The following NME7 variants were observed in gnomAD, a reference collection of about 807,000 sequenced individuals.
NME7 encodes NME/NM23 family member 7.
In NME7, 41 loss-of-function variants were observed where a neutral mutation model predicts 49.1. The observed-to-expected ratio is 0.83, with a 90% CI of 0.65 to 1.08. NME7 has a LOEUF of 1.08. Ranked by LOEUF, NME7 falls within the 50% of genes least tolerant of loss-of-function variation. NME7 has a pLI of 0.00. For missense variants in NME7, 423 were observed against 463.4 expected, an observed-to-expected ratio of 0.91 and a Z score of 0.80; for synonymous variants, 139 against 150.6, an observed-to-expected ratio of 0.92 and a Z score of 0.56.
intron 5 of NME7, among the ~76,000 whole-genome samples, chr1:169,302,735 A>G (rs1217808175): frequency 6.6e-6 from 1 of 152,092 alleles, no homozygotes; most frequent in African/African-American, 2.4e-5. Flanking sequence ...CAGGTAACAA[A>G]CCTGCACATG....
chr1:169,158,184 C>T (rs1659136978), intron 11 of NME7, among the ~76,000 whole-genome samples: 1 of 152,080 alleles, frequency 6.6e-6, no homozygotes, highest in African/African-American at 2.4e-5. Context: ...GTTCCAGTTC[C>T]CCCAGTGGAT....
At chr1:169,184,910 T>C (rs1036287792) in intron 10 of NME7, among the ~76,000 whole-genome samples, 2 of 152,180 alleles carry the variant, frequency 1.3e-5, no homozygotes, top group African/African-American at 2.4e-5. Context: ...TGGAAAGTGA[T>C]ACTAACAATT....
intron 11 of NME7, among the ~76,000 whole-genome samples, chr1:169,164,109 C>CAA (rs34543492): frequency 3.2e-5 from 4 of 125,276 alleles, no homozygotes; most frequent in Admixed American, 7.9e-5. Flanking sequence ...GACTCTGTCT[C>CAA]AAAAAAAAAA....
chr1:169,279,314 G>T (rs1055542667), intron 7 of NME7, among the ~76,000 whole-genome samples: 2 of 152,240 alleles, frequency 1.3e-5, no homozygotes, highest in East Asian at 1.9e-4. Context: ...AGGCAGGCAG[G>T]CCTCCTTGAG....
chr1:169,294,767 T>C (rs1007679194), intron 6 of NME7, among the ~76,000 whole-genome samples: 1 of 152,166 alleles, frequency 6.6e-6, no homozygotes, highest in Admixed American at 6.6e-5. Context: ...GTTAAAAAAA[T>C]TAAATGCACA....
intron 8 of NME7, 55 bp downstream of exon 8, chr1:169,237,567 TA>T: frequency 7.8e-7 from 1 of 1,290,068 alleles, no homozygotes; most frequent in Non-Finnish European, 1.1e-6. Context: ...AAGCATTTTA[TA>T]ACTATTTTTG....
chr1:169,222,322 G>A (rs1661169491), intron 10 of NME7, among the ~76,000 whole-genome samples: 1 of 152,040 alleles, frequency 6.6e-6, no homozygotes, highest in Middle Eastern at 3.2e-3. Context: ...TATCCTTGGT[G>A]CCTAGAATAC....
At chr1:169,197,485 CA>C (rs1305424447) in intron 10 of NME7, among the ~76,000 whole-genome samples, 1 of 151,934 alleles carries the variant, frequency 6.6e-6, no homozygotes, top group Non-Finnish European at 1.5e-5. Context: ...ACCTAAAGAT[CA>C]AATGTACACA....
chr1:169,145,602 T>C (rs940541533), intron 11 of NME7, among the ~76,000 whole-genome samples: 43 of 152,290 alleles, frequency 2.8e-4, no homozygotes, highest in Middle Eastern at 3.4e-3. Flanking sequence ...CAGCCCCTAC[T>C]CTTGCTCAGA....
At chr1:169,180,867 T>C (rs1336484479) in intron 10 of NME7, among the ~76,000 whole-genome samples, 3 of 152,162 alleles carry the variant, frequency 2.0e-5, no homozygotes, top group Admixed American at 1.3e-4. Flanking sequence ...TACATCTCAG[T>C]TAGAACCAGC....
intron 7 of NME7, among the ~76,000 whole-genome samples, chr1:169,278,774 T>C (rs896837812): frequency 1.3e-5 from 2 of 152,218 alleles, no homozygotes; most frequent in African/African-American, 4.8e-5. Flanking sequence ...TTTTTAGAGT[T>C]TCCAGTTTTT....
chr1:169,169,457 C>A lies in NME7; in HGVS notation c.1088G>T (p.Gly363Val). The change falls in exon 11 of 12, where the codon GGC (glycine) becomes GTC (valine). Residue 363 changes from glycine (G) to valine (V), a missense_variant. Coordinates refer to ENST00000367811, the MANE Select transcript of NME7 (RefSeq NM_013330.5). ...CCTTCTTTATCTTACCTCTAATAGG[C>A]CATCCTCTGGCAGATCAGTACAGTG... The part of the protein sequence containing the change: ...AVHCTDLPED[G>V]LLEVQYFFKI... The A allele has an allele frequency of 1.2e-6, 2 of 1,612,734 alleles. No individual in the cohort carries two copies. Among genetic ancestry groups the A allele is most frequent in the South Asian group, 2.2e-5 (2 of 90,840 alleles).
chr1:169,298,800 T>C (rs775906139), intron 5 of NME7, 37 bp from the exon 6 acceptor site: 2 of 1,534,234 alleles, frequency 1.3e-6, no homozygotes, highest in South Asian at 2.3e-5. Context: ...GCTTCTTTTT[T>C]CTGTCAACTA....
intron 3 of NME7, among the ~76,000 whole-genome samples, chr1:169,321,421 A>T (rs894655650): frequency 6.6e-6 from 1 of 152,248 alleles, no homozygotes; most frequent in Non-Finnish European, 1.5e-5. Context: ...TAAAGTGCAT[A>T]TCATAGTGTC....
chr1:169,272,775 T>C lies in NME7; in HGVS notation c.754+14528A>G, dbSNP rs1186635428. Among the ~76,000 whole-genome samples, 2 of 133,498 alleles carry C rather than the reference T, an allele frequency of 1.5e-5. 1 individual carries two copies. Among genetic ancestry groups the C allele is most frequent in the African/African-American group, 5.1e-5 (2 of 39,390 alleles). 87.6% of individuals were successfully genotyped at this position (133,498 alleles called of 152,430 possible). A position where few individuals can be genotyped will look rare whatever the true frequency, so the allele number is the denominator to read the frequency against. On this transcript the variant is annotated intron_variant, in intron 7 of 11. Coordinates refer to ENST00000367811, the MANE Select transcript of NME7 (RefSeq NM_013330.5). ...GAACATACACGTGCATGTATTTTTA[T>C]AATAGAACGATTTACATTCCTTTGG...
At chr1:169,305,445 C>T (rs1210317642) in intron 4 of NME7, among the ~76,000 whole-genome samples, 6 of 152,128 alleles carry the variant, frequency 3.9e-5, no homozygotes, top group Admixed American at 6.5e-5. Flanking sequence ...ATGGCGGAAC[C>T]GACATTTGAA....
intron 11 of NME7, among the ~76,000 whole-genome samples, chr1:169,135,014 CAA>C (rs58463903): frequency 3.8e-3 from 193 of 50,354 alleles, no homozygotes; most frequent in African/African-American, 9.0e-3. Context: ...CCCGTCTCTA[CAA>C]AAAAAAAAAA....
chr1:169,306,478 G>A (rs897238647), intron 4 of NME7, among the ~76,000 whole-genome samples: 8 of 152,066 alleles, frequency 5.3e-5, no homozygotes, highest in African/African-American at 1.9e-4. Context: ...TAAACTAAGG[G>A]GCTGCAATAG....
chr1:169,282,234 G>A (rs61808914), intron 7 of NME7, among the ~76,000 whole-genome samples: 15,702 of 152,092 alleles, frequency 0.1, 862 homozygotes, highest in Admixed American at 0.12. Context: ...GTTTATTTGC[G>A]TAGAGGTGTT....
Sources: gnomAD v4.1 joint callset for allele counts (sites outside exome capture counted in the v4.1 genomes callset) on GRCh38, gnomAD v4.1.1 for gene constraint, MANE v1.5 for transcripts, NCBI Gene and HGNC (gene_info 2026-07-23, HGNC 2026-07-21) for gene names.